The following XPO4 variants were observed in gnomAD, a reference collection of about 807,000 sequenced individuals.
XPO4 encodes the protein exportin 4.
XPO4 carries 39 observed loss-of-function variants against 143.0 expected under a neutral mutation model. That is an observed-to-expected ratio of 0.27 (90% CI 0.21 to 0.36). XPO4 has a LOEUF of 0.36. Ranked by LOEUF, XPO4 falls within the 10% of genes least tolerant of loss-of-function variation. The pLI, the probability that XPO4 is intolerant of heterozygous loss-of-function variation, is 1.00. For missense variants in XPO4, 907 were observed against 1,348.0 expected, an observed-to-expected ratio of 0.67 and a Z score of 5.12; for synonymous variants, 439 against 474.0, an observed-to-expected ratio of 0.93 and a Z score of 0.96.
intron 9 of XPO4, among the ~76,000 whole-genome samples, chr13:20,812,237 G>T (rs1420334175): frequency 6.6e-6 from 1 of 152,144 alleles, no homozygotes; most frequent in East Asian, 1.9e-4. Flanking sequence ...TGGGCATGGT[G>T]GCAGGAGCCT....
intron 1 of XPO4, among the ~76,000 whole-genome samples, chr13:20,889,900 T>C (rs2060496129): frequency 6.6e-6 from 1 of 152,220 alleles, no homozygotes. Context: ...TTGCCATTTA[T>C]AAATCTAAAA....
chr13:20,815,285 G>A (rs1220232182), intron 9 of XPO4, among the ~76,000 whole-genome samples: 3 of 152,116 alleles, frequency 2.0e-5, no homozygotes, highest in Non-Finnish European at 4.4e-5. Flanking sequence ...ACAATGCCAA[G>A]AGTGAACCCT....
At chr13:20,883,262 G>A (rs2060430312) in intron 1 of XPO4, among the ~76,000 whole-genome samples, 1 of 152,110 alleles carries the variant, frequency 6.6e-6, no homozygotes, top group South Asian at 2.1e-4. Flanking sequence ...AGCTTCAATG[G>A]GTGAGGAGAA....
At chr13:20,862,573 C>T in intron 3 of XPO4, 144 bp downstream of exon 3, 1 of 984,746 alleles carries the variant, frequency 1.0e-6, no homozygotes. Context: ...AGGAGATCCT[C>T]CCTCTCAGCC....
At chr13:20,853,150 G>T in intron 4 of XPO4, 2 of 537,428 alleles carry the variant, frequency 3.7e-6, no homozygotes, top group Non-Finnish European at 4.7e-6. Context: ...AGGCAACATA[G>T]TGAAACCTCA....
At chr13:20,817,116 G>A (rs2059659380) in intron 9 of XPO4, among the ~76,000 whole-genome samples, 1 of 152,166 alleles carries the variant, frequency 6.6e-6, no homozygotes, top group African/African-American at 2.4e-5. Flanking sequence ...CATGGGTGAA[G>A]GTGCAAGGTA....
intron 1 of XPO4, among the ~76,000 whole-genome samples, chr13:20,885,437 A>G (rs1427251439): frequency 6.6e-6 from 1 of 152,232 alleles, no homozygotes; most frequent in Non-Finnish European, 1.5e-5. Context: ...AAACCCTAAA[A>G]GAAGGCAAGA....
chr13:20,819,446 G>A (rs2059690871), intron 9 of XPO4, among the ~76,000 whole-genome samples: 1 of 152,088 alleles, frequency 6.6e-6, no homozygotes, highest in African/African-American at 2.4e-5. Context: ...TGGACTGCGA[G>A]GTCAGGAGTT....
chr13:20,792,321 G>A (rs572489797), intron 18 of XPO4, among the ~76,000 whole-genome samples: 17 of 152,038 alleles, frequency 1.1e-4, no homozygotes, highest in Admixed American at 6.5e-4. Context: ...GGCTGGGCAC[G>A]GTGGCTCACT....
intron 9 of XPO4, among the ~76,000 whole-genome samples, chr13:20,820,342 T>A (rs1391437647): frequency 6.6e-6 from 1 of 152,332 alleles, no homozygotes; most frequent in Admixed American, 6.5e-5. Flanking sequence ...ATGCCATATA[T>A]CTTCCAGCAA....
At chr13:20,900,314 G>A (rs1029120565) in intron 1 of XPO4, among the ~76,000 whole-genome samples, 36 of 152,122 alleles carry the variant, frequency 2.4e-4, no homozygotes, top group Admixed American at 3.9e-4. Flanking sequence ...AACCCGGGAG[G>A]CGGAGGTGGC....
At chr13:20,794,994 T>C (rs866060868) in intron 18 of XPO4, among the ~76,000 whole-genome samples, 9 of 142,204 alleles carry the variant, frequency 6.3e-5, no homozygotes, top group Admixed American at 2.1e-4. Flanking sequence ...GGAAAAACCG[T>C]TGCCCAAGAA....
At chr13:20,800,387 CAG>C (rs1228310355) in intron 14 of XPO4, 62 bp from the exon 15 acceptor site, 28 of 1,450,608 alleles carry the variant, frequency 1.9e-5, no homozygotes, top group Admixed American at 1.2e-4. Context: ...AAAAAAAAAA[CAG>C]AGAAAAATCG....
At chr13:20,804,424 T>C (rs1245745754) in intron 13 of XPO4, among the ~76,000 whole-genome samples, 1 of 152,162 alleles carries the variant, frequency 6.6e-6, no homozygotes, top group Admixed American at 6.5e-5. Flanking sequence ...CTGAATTCTT[T>C]CTTGTGCAAG....
chr13:20,818,230 G>T (rs1312154315), intron 9 of XPO4, among the ~76,000 whole-genome samples: 3 of 152,146 alleles, frequency 2.0e-5, no homozygotes, highest in Non-Finnish European at 4.4e-5. Context: ...AGAAACTTCT[G>T]CAGCCACAGA....
At chr13:20,852,456 G>A in intron 4 of XPO4, 2 of 985,382 alleles carry the variant, frequency 2.0e-6, no homozygotes, top group Non-Finnish European at 2.4e-6. Context: ...ATTGGATAAT[G>A]CACATGGCCA....
intron 1 of XPO4, among the ~76,000 whole-genome samples, chr13:20,882,109 CAA>C (rs35404161): frequency 0.16 from 15,273 of 93,360 alleles, 689 homozygotes; most frequent in African/African-American, 0.22. Flanking sequence ...GACTCGGTCT[CAA>C]AAAAAAAAAA....
chr13:20,786,930 G>T, intron 22 of XPO4, 35 bp downstream of exon 22: 1 of 1,514,788 alleles, frequency 6.6e-7, no homozygotes, highest in Non-Finnish European at 8.9e-7. Flanking sequence ...AAAATAGAAT[G>T]AGAAGAGTCC....
intron 3 of XPO4, chr13:20,857,944 G>T (rs1214049686): frequency 1.0e-6 from 1 of 984,976 alleles, no homozygotes; most frequent in African/African-American, 1.7e-5. Context: ...TGCATGTAAT[G>T]GGAAGTACAC....
Sources: gnomAD v4.1 joint callset for allele counts (sites outside exome capture counted in the v4.1 genomes callset) on GRCh38, gnomAD v4.1.1 for gene constraint, MANE v1.5 for transcripts, NCBI Gene and HGNC (gene_info 2026-07-23, HGNC 2026-07-21) for gene names.